Variants in INPP4B observed in about 807,000 individuals in gnomAD.
INPP4B encodes the protein inositol polyphosphate-4-phosphatase type II B, also known as inositol polyphosphate 4-phosphatase type II.
In INPP4B, 55 loss-of-function variants were observed where a neutral mutation model predicts 122.5. The observed-to-expected ratio is 0.45, with a 90% CI of 0.36 to 0.56. The LOEUF is 0.56. Among genes scored for constraint, INPP4B ranks in the 20% least tolerant of loss-of-function variants. The pLI, the probability that INPP4B is intolerant of heterozygous loss-of-function variation, is 0.00. For synonymous variants in INPP4B, 403 were observed against 388.7 expected, an observed-to-expected ratio of 1.04 and a Z score of -0.43; for missense variants, 1,000 against 1,097.7, an observed-to-expected ratio of 0.91 and a Z score of 1.26.
rs186358164 is a variant in INPP4B, at chr4:142,052,007, A to C, written c.2643-23093T>G. Among the ~76,000 whole-genome samples the C allele has an allele frequency of 2.9e-3, 436 of 151,986 alleles. 2 individuals carry two copies. The highest frequency in any genetic ancestry group is 7.0e-3 in the Admixed American group (106 of 15,240). ...GTAATAACACCGTTCTCATCTCTTCATTTTTCTTTGATGGTTTTACTTTGC... is the reference window on the plus strand; with the variant it reads ...GTAATAACACCGTTCTCATCTCTTCCTTTTTCTTTGATGGTTTTACTTTGC... On this transcript the variant is annotated intron_variant, in intron 25 of 25. Transcript: ENST00000262992.
intron 2 of INPP4B, among the ~76,000 whole-genome samples, chr4:142,701,014 A>G (rs1221098874): frequency 1.3e-5 from 2 of 152,194 alleles, no homozygotes; most frequent in African/African-American, 4.8e-5. Context: ...AAGAAAATTT[A>G]TTGGAAAGAT....
At chr4:142,183,072 A>G (rs1831599607) in intron 15 of INPP4B, among the ~76,000 whole-genome samples, 1 of 151,868 alleles carries the variant, frequency 6.6e-6, no homozygotes, top group Non-Finnish European at 1.5e-5. Context: ...GTCCTTTCAT[A>G]CTCTCCTACA....
chr4:142,091,461 A>G (rs1465725592), intron 23 of INPP4B, among the ~76,000 whole-genome samples: 1 of 152,194 alleles, frequency 6.6e-6, no homozygotes, highest in East Asian at 1.9e-4. Flanking sequence ...ATTCTGTGTC[A>G]CCTCTGAAAA....
chr4:142,459,777 CTCAA>C (rs989314413), intron 3 of INPP4B, among the ~76,000 whole-genome samples: 7 of 152,162 alleles, frequency 4.6e-5, no homozygotes, highest in African/African-American at 1.4e-4. Flanking sequence ...CATAGCTTCA[CTCAA>C]TCAATCAAAT....
At position 142,720,773 on chromosome 4, in the gene INPP4B, C is replaced by A. The variant is rs1241630624; in HGVS notation, c.-191+5066G>T. 9.3e-3 allele frequency among the ~76,000 whole-genome samples: 109 copies of A among 11,756 alleles called. 3 individuals are homozygous for A. Among genetic ancestry groups the A allele is most frequent in the East Asian group, 0.047 (10 of 212 alleles). The allele number at this position is 11,756 out of a possible 152,430, so 7.7% of individuals were successfully genotyped here. A position where few individuals can be genotyped will look rare whatever the true frequency, so the allele number is the denominator to read the frequency against. On this transcript the variant is annotated intron_variant, in intron 2 of 25. Coordinates refer to ENST00000262992, the MANE Select transcript of INPP4B (RefSeq NM_001101669.3). The stretch of plus-strand genomic sequence containing the variant: ...ACATATATATATAATCTCTCTCTCT[C>A]TCTCTCTCTCTCTCTCTCTCTCTCT...
At chr4:142,094,496 G>C (rs1311967331) in intron 23 of INPP4B, among the ~76,000 whole-genome samples, 1 of 152,152 alleles carries the variant, frequency 6.6e-6, no homozygotes, top group Non-Finnish European at 1.5e-5. Context: ...CAAAATTTAG[G>C]CAGAGAAGGG....
intron 1 of INPP4B, among the ~76,000 whole-genome samples, chr4:142,793,482 T>C (rs544593069): frequency 6.6e-6 from 1 of 152,184 alleles, no homozygotes; most frequent in South Asian, 2.1e-4. Flanking sequence ...GCAAATGACA[T>C]GCTTGTTGCA....
At chr4:142,296,621 T>C (rs376655938) in intron 9 of INPP4B, among the ~76,000 whole-genome samples, 25 of 152,232 alleles carry the variant, frequency 1.6e-4, no homozygotes, top group East Asian at 7.7e-4. Context: ...ACGAAGTGGG[T>C]ACCACTAGTA....
chr4:142,442,448 TA>T (rs1344588158), intron 3 of INPP4B, among the ~76,000 whole-genome samples: 1 of 111,460 alleles, frequency 9.0e-6, no homozygotes, highest in African/African-American at 3.2e-5. Context: ...AAGAAAAAAA[TA>T]AAAAGATGAA....
intron 2 of INPP4B, among the ~76,000 whole-genome samples, chr4:142,690,572 A>G (rs1366746963): frequency 6.6e-6 from 1 of 152,150 alleles, no homozygotes; most frequent in Non-Finnish European, 1.5e-5. Flanking sequence ...CTCTTGATTT[A>G]GTGTCAATTT....
intron 15 of INPP4B, among the ~76,000 whole-genome samples, chr4:142,179,114 A>G (rs1271090879): frequency 1.3e-5 from 2 of 152,126 alleles, no homozygotes; most frequent in African/African-American, 4.8e-5. Flanking sequence ...TTTCACTTAC[A>G]TAATTAAATG....
chr4:142,644,341 A>C (rs1751247427), intron 2 of INPP4B, among the ~76,000 whole-genome samples: 1 of 151,928 alleles, frequency 6.6e-6, no homozygotes, highest in South Asian at 2.1e-4. Context: ...AGGAGGAAAG[A>C]AGACCTGTTT....
chr4:142,321,687 TC>T (rs1294829591), intron 7 of INPP4B, among the ~76,000 whole-genome samples: 2 of 152,092 alleles, frequency 1.3e-5, no homozygotes, highest in Admixed American at 1.3e-4. Flanking sequence ...GAATAGAGTG[TC>T]CTTTCCCTAC....
intron 25 of INPP4B, chr4:142,030,319 A>G: frequency 3.9e-6 from 6 of 1,530,466 alleles, no homozygotes; most frequent in Non-Finnish European, 5.3e-6. Flanking sequence ...AATGAGGGGA[A>G]GTTGGGGGGG....
At position 142,664,035 on chromosome 4, in the gene INPP4B, C is replaced by G. The variant is rs1400844241; in HGVS notation, c.-191+61804G>C. ...CATTCTTTGAGGCAATTCATGAACT[C>G]GATTTCATCTGAGGAATGCCATGCA... On this transcript the variant is annotated intron_variant, in intron 2 of 25. Transcript: ENST00000262992. Among the ~76,000 whole-genome samples, 3 of 152,140 alleles carry G rather than the reference C, an allele frequency of 2.0e-5. No homozygotes were observed. The East Asian group carries it at 5.8e-4, about 29-fold the overall frequency.
At chr4:142,727,183 C>T (rs1205713623) in intron 1 of INPP4B, among the ~76,000 whole-genome samples, 1 of 152,142 alleles carries the variant, frequency 6.6e-6, no homozygotes, top group East Asian at 1.9e-4. Flanking sequence ...GATTGAATAG[C>T]AGTATTTCAA....
At chr4:142,281,305 C>T (rs1421643129) in intron 9 of INPP4B, among the ~76,000 whole-genome samples, 3 of 151,152 alleles carry the variant, frequency 2.0e-5, no homozygotes, top group Non-Finnish European at 4.4e-5. Context: ...ACTTATAAGG[C>T]CAGGTGAAAA....
chr4:142,240,549 T>C (rs566829370), intron 11 of INPP4B, among the ~76,000 whole-genome samples: 5 of 152,150 alleles, frequency 3.3e-5, no homozygotes, highest in South Asian at 4.1e-4. Context: ...AATTTAATCA[T>C]ACAAAAAATT....
chr4:142,500,757 T>TA (rs979242858), intron 2 of INPP4B, among the ~76,000 whole-genome samples: 4 of 151,998 alleles, frequency 2.6e-5, no homozygotes, highest in African/African-American at 9.7e-5. Context: ...GACAATTTAC[T>TA]AAGTTAGATA....
Sources: allele counts gnomAD v4.1 joint callset (sites outside exome capture counted in the v4.1 genomes callset), GRCh38; gene constraint gnomAD v4.1.1; transcripts MANE v1.5; gene names NCBI Gene and HGNC (gene_info 2026-07-23, HGNC 2026-07-21).